Variants in REDIC1 observed in about 807,000 individuals in gnomAD.
The protein encoded by REDIC1 is regulator of DNA class I crossover intermediates 1.
At chr12:39,770,409 A>T in the REDIC1 span, among the ~76,000 whole-genome samples, 5 of 152,126 alleles carry the variant, frequency 3.3e-5, no homozygotes, top group African/African-American at 1.2e-4. Flanking sequence ...TCAAATCGTG[A>T]CTCTACCACT....
the REDIC1 span, among the ~76,000 whole-genome samples, chr12:39,800,546 A>G: frequency 5.4e-5 from 6 of 111,472 alleles, no homozygotes; most frequent in Non-Finnish European, 1.8e-5. Flanking sequence ...CCACTATGAG[A>G]TATCATCTCA....
chr12:39,790,621 G>A, the REDIC1 span, among the ~76,000 whole-genome samples: 3 of 134,836 alleles, frequency 2.2e-5, no homozygotes, highest in African/African-American at 8.5e-5. Context: ...GTCTATGATT[G>A]TTGGACATTT....
At chr12:39,737,903 C>T in the REDIC1 span, among the ~76,000 whole-genome samples, 1 of 152,174 alleles carries the variant, frequency 6.6e-6, no homozygotes, top group African/African-American at 2.4e-5. Flanking sequence ...CTGTGGTTCA[C>T]ATTTGAGTGT....
the REDIC1 span, among the ~76,000 whole-genome samples, chr12:39,668,846 C>T: frequency 1.3e-5 from 2 of 152,118 alleles, no homozygotes; most frequent in African/African-American, 2.4e-5. Context: ...TTGATCGAAT[C>T]GGCTACTGAG....
At chr12:39,763,005 G>A in the REDIC1 span, among the ~76,000 whole-genome samples, 4 of 151,894 alleles carry the variant, frequency 2.6e-5, no homozygotes, top group African/African-American at 9.7e-5. Context: ...TTATTATTTG[G>A]TCTATGCCTT....
chr12:39,876,736 TACAG>T, the REDIC1 span, among the ~76,000 whole-genome samples: 1 of 152,124 alleles, frequency 6.6e-6, no homozygotes, highest in African/African-American at 2.4e-5. Flanking sequence ...CAGCTCATAA[TACAG>T]ACAATTTTTT....
the REDIC1 span, among the ~76,000 whole-genome samples, chr12:39,751,844 T>A: frequency 3.3e-5 from 5 of 151,998 alleles, no homozygotes; most frequent in Non-Finnish European, 7.4e-5. Flanking sequence ...TAGGTGGGAA[T>A]TGAACAATGA....
the REDIC1 span, chr12:39,647,724 T>C: frequency 4.3e-6 from 5 of 1,164,262 alleles, no homozygotes; most frequent in Non-Finnish European, 4.6e-6. Context: ...AATTTCACTA[T>C]TTTGACTTTC....
chr12:39,898,609 T>A, the REDIC1 span, among the ~76,000 whole-genome samples: 1 of 152,118 alleles, frequency 6.6e-6, no homozygotes, highest in East Asian at 1.9e-4. Context: ...GTCTTCAAAT[T>A]GAAGAATCAG....
the REDIC1 span, among the ~76,000 whole-genome samples, chr12:39,857,236 A>C: frequency 6.6e-6 from 1 of 152,234 alleles, no homozygotes; most frequent in Non-Finnish European, 1.5e-5. Flanking sequence ...ATTACCTTTC[A>C]AATAAGGATA....
At chr12:39,719,705 A>T in the REDIC1 span, among the ~76,000 whole-genome samples, 1 of 152,182 alleles carries the variant, frequency 6.6e-6, no homozygotes, top group Non-Finnish European at 1.5e-5. Flanking sequence ...CTGAAAGAGT[A>T]TAACTCAAAT....
chr12:39,896,414 ATG>A, the REDIC1 span, among the ~76,000 whole-genome samples: 108 of 118,372 alleles, frequency 9.1e-4, 1 homozygote, highest in Middle Eastern at 0.011. Flanking sequence ...ACATATATGT[ATG>A]TATATGTGTA....
the REDIC1 span, among the ~76,000 whole-genome samples, chr12:39,702,962 C>A: frequency 5.9e-5 from 9 of 152,118 alleles, no homozygotes; most frequent in Non-Finnish European, 1.3e-4. Flanking sequence ...CTATGACAAA[C>A]CCACAGCCAG....
chr12:39,799,339 G>A, the REDIC1 span, among the ~76,000 whole-genome samples: 1 of 146,554 alleles, frequency 6.8e-6, no homozygotes, highest in Non-Finnish European at 1.5e-5. Flanking sequence ...CAAACTCCTG[G>A]CCTCAAGTGA....
At chr12:39,815,836 C>G in the REDIC1 span, among the ~76,000 whole-genome samples, 3 of 152,094 alleles carry the variant, frequency 2.0e-5, no homozygotes, top group Admixed American at 6.5e-5. Context: ...GTACAACATT[C>G]TATAAAAGAG....
chr12:39,908,189 C>T, the REDIC1 span: 1 of 151,958 alleles, frequency 6.6e-6, no homozygotes, highest in Non-Finnish European at 1.5e-5. Flanking sequence ...TCTCTGGATA[C>T]ACAAAGAGCC....
chr12:39,894,425 GT>G, the REDIC1 span, among the ~76,000 whole-genome samples: 4 of 152,270 alleles, frequency 2.6e-5, no homozygotes, highest in East Asian at 7.7e-4. Context: ...ATTCAGATAA[GT>G]GAACCCCTAA....
the REDIC1 span, among the ~76,000 whole-genome samples, chr12:39,873,087 GT>G: frequency 2.0e-5 from 3 of 152,034 alleles, no homozygotes; most frequent in Admixed American, 2.0e-4. Context: ...AATGATGATG[GT>G]TCTTATCTAA....
the REDIC1 span, chr12:39,684,244 A>G: frequency 1.0e-6 from 1 of 989,222 alleles, no homozygotes; most frequent in South Asian, 4.1e-5. Context: ...ATGACCTGCA[A>G]TTATAAGTAA....
Sources: gnomAD v4.1 joint callset for allele counts (sites outside exome capture counted in the v4.1 genomes callset) on GRCh38, gnomAD v4.1.1 for gene constraint, MANE v1.5 for transcripts, NCBI Gene and HGNC (gene_info 2026-07-23, HGNC 2026-07-21) for gene names.